THADA: variants seen among roughly 807,000 people sequenced by gnomAD.
THADA encodes tRNA (32-2'-O)-methyltransferase regulator THADA.
A neutral mutation model predicts 219.8 loss-of-function variants in THADA; 213 were observed. That is an observed-to-expected ratio of 0.97 (90% CI 0.87 to 1.09). The LOEUF is 1.09. Among genes scored for constraint, THADA ranks in the 50% least tolerant of loss-of-function variants. The pLI is 0.00. For missense variants in THADA, 2,956 were observed against 2,311.3 expected (o/e 1.28, Z -5.72); for synonymous variants, 1,018 against 828.9 (o/e 1.23, Z -3.92).
intron 20 of THADA, 33 bp from the exon 21 acceptor site, chr2:43,541,349 T>G: frequency 6.2e-7 from 1 of 1,609,068 alleles, no homozygotes; most frequent in Non-Finnish European, 8.5e-7. Flanking sequence ...GATTGCAACC[T>G]TGATTACTCA....
intron 36 of THADA, among the ~76,000 whole-genome samples, chr2:43,270,157 T>C (rs932324699): frequency 6.6e-6 from 1 of 152,200 alleles, no homozygotes. Flanking sequence ...AGAGGTACTG[T>C]CCTGGGCCTC....
At chr2:43,468,957 C>T (rs1398718624) in intron 26 of THADA, among the ~76,000 whole-genome samples, 1 of 152,130 alleles carries the variant, frequency 6.6e-6, no homozygotes, top group African/African-American at 2.4e-5. Flanking sequence ...TCTAGGTCTC[C>T]CTATCTCAAG....
intron 31 of THADA, among the ~76,000 whole-genome samples, chr2:43,315,462 CTTTTTT>C (rs996019418): frequency 3.3e-5 from 5 of 151,022 alleles, no homozygotes; most frequent in Admixed American, 3.3e-4. Flanking sequence ...CTTTTTTTTT[CTTTTTT>C]TTCTTTTTTT....
At chr2:43,535,746 T>G (rs75275342) in intron 21 of THADA, among the ~76,000 whole-genome samples, 15,118 of 151,070 alleles carry the variant, frequency 0.1, 828 homozygotes, top group South Asian at 0.14. Flanking sequence ...ATACCACTAT[T>G]CAAGTAGTTT....
chr2:43,344,459 C>G (rs941287206), intron 29 of THADA, among the ~76,000 whole-genome samples: 1 of 152,194 alleles, frequency 6.6e-6, no homozygotes, highest in Non-Finnish European at 1.5e-5. Flanking sequence ...GTTTCTCACA[C>G]AATCCCCAAA....
chr2:43,374,309 T>G lies in THADA; in HGVS notation c.4227+23662A>C, dbSNP rs377441659. On this transcript the variant is annotated intron_variant, in intron 29 of 37. Transcript: ENST00000405975. The stretch of plus-strand genomic sequence containing the variant: ...TAGGTGACACGGTACAGTATGGTAC[T>G]GAAGTTAGGAATACAGGTTCTGAAC... 1.5e-4 allele frequency among the ~76,000 whole-genome samples: 23 copies of G among 152,352 alleles called. No homozygotes were observed. The East Asian group carries it at 3.9e-3, about 26-fold the overall frequency.
At chr2:43,524,596 A>G (rs1300068433) in intron 22 of THADA, among the ~76,000 whole-genome samples, 1 of 152,230 alleles carries the variant, frequency 6.6e-6, no homozygotes, top group African/African-American at 2.4e-5. Context: ...GGGCTCCAAA[A>G]GAAACAAATT....
intron 26 of THADA, among the ~76,000 whole-genome samples, chr2:43,463,614 A>C (rs1683888626): frequency 6.6e-6 from 1 of 152,200 alleles, no homozygotes; most frequent in African/African-American, 2.4e-5. Context: ...AGTGAACTTA[A>C]GCTATTTTGC....
rs1573914441 is a variant in THADA at position 43,491,264 on chromosome 2, G to A, written c.3745-5939C>T. 6.6e-5 allele frequency among the ~76,000 whole-genome samples: 10 copies of A among 152,316 alleles called. No homozygotes were observed. The South Asian group carries it at 2.1e-3, about 32-fold the overall frequency. On this transcript the variant is annotated intron_variant, in intron 25 of 37. Coordinates refer to ENST00000405975, the MANE Select transcript of THADA (RefSeq NM_022065.5). ...ACAATAAATGCTAATATGAATCATT[G>A]ATAGCAATCTTAATGTGAGTAATAC... is the stretch of plus-strand genomic sequence containing the variant.
chr2:43,426,561 G>C (rs1262628572), intron 28 of THADA, among the ~76,000 whole-genome samples: 2 of 152,128 alleles, frequency 1.3e-5, no homozygotes, highest in African/African-American at 4.8e-5. Flanking sequence ...AAGGAGACTG[G>C]TAACTTTGTA....
chr2:43,392,872 A>C (rs1295032675), intron 29 of THADA, among the ~76,000 whole-genome samples: 1 of 152,104 alleles, frequency 6.6e-6, no homozygotes, highest in Non-Finnish European at 1.5e-5. Flanking sequence ...TTGTGTTTTC[A>C]CCAGTGCCTA....
At chr2:43,412,272 A>T (rs1443430988) in intron 28 of THADA, among the ~76,000 whole-genome samples, 1 of 152,172 alleles carries the variant, frequency 6.6e-6, no homozygotes, top group African/African-American at 2.4e-5. Flanking sequence ...TACTACTAAT[A>T]ATAAAGTCGG....
intron 26 of THADA, among the ~76,000 whole-genome samples, chr2:43,451,171 G>C (rs1239228724): frequency 6.6e-6 from 1 of 152,134 alleles, no homozygotes; most frequent in African/African-American, 2.4e-5. Context: ...GAGCTGTTCT[G>C]GTTGAAGCAG....
intron 24 of THADA, among the ~76,000 whole-genome samples, chr2:43,504,955 C>A (rs1211634183): frequency 6.6e-6 from 1 of 152,178 alleles, no homozygotes; most frequent in Non-Finnish European, 1.5e-5. Flanking sequence ...CTATAACGTA[C>A]AAGCAGTACT....
At chr2:43,255,331 T>C (rs926519416) in intron 36 of THADA, among the ~76,000 whole-genome samples, 3 of 152,348 alleles carry the variant, frequency 2.0e-5, no homozygotes, top group South Asian at 2.1e-4. Flanking sequence ...TTGTTAAATA[T>C]GGCATGCTAA....
chr2:43,369,587 G>C (rs1670566974), intron 29 of THADA, among the ~76,000 whole-genome samples: 1 of 152,136 alleles, frequency 6.6e-6, no homozygotes, highest in Non-Finnish European at 1.5e-5. Flanking sequence ...CTGATCACAA[G>C]AATCAGTTAG....
At position 43,435,738 on chromosome 2, in the gene THADA, G is replaced by A. The variant is rs866488738; in HGVS notation, c.3837-5436C>T. ...GCAGAGGTTACAGTGAGCTGAGATC[G>A]TGTAACTGTACTCCAGCCTGGGCAA... On this transcript the variant is annotated intron_variant, in intron 26 of 37. Transcript: ENST00000405975. 8.9e-5 allele frequency among the ~76,000 whole-genome samples: 13 copies of A among 146,560 alleles called. No individual in the cohort carries two copies. The South Asian group carries it at 1.9e-3, about 22-fold the overall frequency.
intron 30 of THADA, among the ~76,000 whole-genome samples, chr2:43,339,239 A>G (rs1175765367): frequency 6.6e-6 from 1 of 152,236 alleles, no homozygotes; most frequent in Non-Finnish European, 1.5e-5. Flanking sequence ...TTAGTAGGGC[A>G]CATATTTATT....
At chr2:43,476,645 C>G (rs1016772796) in intron 26 of THADA, among the ~76,000 whole-genome samples, 3 of 152,128 alleles carry the variant, frequency 2.0e-5, no homozygotes, top group Non-Finnish European at 4.4e-5. Flanking sequence ...ACAGAGTGTG[C>G]TACTTAATTT....
Sources: gnomAD v4.1 joint callset for allele counts (sites outside exome capture counted in the v4.1 genomes callset) on GRCh38, gnomAD v4.1.1 for gene constraint, MANE v1.5 for transcripts, NCBI Gene and HGNC (gene_info 2026-07-23, HGNC 2026-07-21) for gene names.